PARP9: variants seen among roughly 807,000 people sequenced by gnomAD.
PARP9 encodes poly(ADP-ribose) polymerase family member 9.
PARP9 carries 48 observed loss-of-function variants against 68.8 expected under a neutral mutation model. The ratio of observed to expected loss-of-function variants is 0.70; its 90% CI spans 0.55 to 0.89. PARP9 has a LOEUF of 0.89. PARP9 is among the 40% of genes least tolerant of loss of function. The pLI is 0.00. For missense variants in PARP9, 806 were observed against 969.3 expected (o/e 0.83, Z 2.24); for synonymous variants, 309 against 333.8 (o/e 0.93, Z 0.81).
intron 4 of PARP9, 64 bp downstream of exon 4, chr3:122,555,222 C>A (rs1033069266): frequency 6.2e-6 from 9 of 1,456,388 alleles, no homozygotes; most frequent in Non-Finnish European, 8.4e-6. Flanking sequence ...AGTGTACACT[C>A]AAAAATTATT....
chr3:122,535,444 C>T (rs2077568616), intron 10 of PARP9: 4 of 985,306 alleles, frequency 4.1e-6, no homozygotes, highest in Non-Finnish European at 3.6e-6. Context: ...TCAAGAGCCA[C>T]ATATTTAATA....
intron 4 of PARP9, among the ~76,000 whole-genome samples, chr3:122,552,973 TG>T (rs1350519287): frequency 6.6e-6 from 1 of 152,204 alleles, no homozygotes; most frequent in Non-Finnish European, 1.5e-5. Context: ...TGTCGATAAA[TG>T]GTTTCATCTC....
upstream of PARP9, chr3:122,564,388 G>A (rs1465613426): frequency 3.8e-6 from 6 of 1,576,854 alleles, no homozygotes; most frequent in Non-Finnish European, 5.2e-6. Flanking sequence ...CCGCCCAGCT[G>A]CCTCCCGGAG....
In PARP9 at chr3:122,528,755, AAAAAT is replaced by A. The variant is rs746610736; in HGVS notation, c.2081-17_2081-13del. On this transcript the variant is annotated splice_polypyrimidine_tract_variant and intron_variant, in intron 10 of 10. Transcript: ENST00000682323. ...TCCGTATTTTGGATCTGATAAAGGAAAAAATAAAATAAAAAGATTATTATAATCTG... is the reference window on the plus strand; with the variant it reads ...TCCGTATTTTGGATCTGATAAAGGAAAAAATAAAAAGATTATTATAATCTG... 2 of 1,549,920 alleles carry A rather than the reference AAAAAT, an allele frequency of 1.3e-6. No individual in the cohort carries two copies. The highest frequency in any genetic ancestry group is 2.1e-5 in the Admixed American group (1 of 47,862).
At chr3:122,539,687 A>C (rs1341844936) in intron 8 of PARP9, among the ~76,000 whole-genome samples, 3 of 151,458 alleles carry the variant, frequency 2.0e-5, no homozygotes, top group Admixed American at 1.3e-4. Context: ...CAGCCTCCTG[A>C]GTAGCTGGGA....
At chr3:122,556,768 AG>A (rs1482253594) in intron 3 of PARP9, among the ~76,000 whole-genome samples, 1 of 105,584 alleles carries the variant, frequency 9.5e-6, no homozygotes, top group Non-Finnish European at 2.1e-5. Flanking sequence ...CTTGTGCCTC[AG>A]GGTTATACCA....
Position 122,558,484 on chromosome 3 carries a change from T to C in PARP9, c.16-17A>G. ...TCCGGCCACCTGTGAAAAATGAGAA[T>C]GGCTTTCTTAAAAAATGGAAGTGGA... On this transcript the variant is annotated splice_polypyrimidine_tract_variant and intron_variant, in intron 2 of 10. Transcript: ENST00000682323. The C allele has an allele frequency of 1.2e-6, 2 of 1,613,060 alleles. No individual in the cohort carries two copies. Among genetic ancestry groups the C allele is most frequent in the African/African-American group, 1.3e-5 (1 of 75,018 alleles).
At chr3:122,532,149 A>G in intron 10 of PARP9, 2 of 985,624 alleles carry the variant, frequency 2.0e-6, no homozygotes, top group Non-Finnish European at 2.4e-6. Context: ...TCTCTGGAGC[A>G]GGTGAGGACC....
upstream of PARP9, chr3:122,564,349 C>G (rs2080502698): frequency 6.8e-7 from 1 of 1,472,176 alleles, no homozygotes; most frequent in African/African-American, 1.4e-5. Context: ...AAACTTTGCG[C>G]CCAGTCCGCA....
rs78122384 is a variant in PARP9, at chr3:122,539,476, A to C, written c.1765+996T>G. On this transcript the variant is annotated intron_variant, in intron 8 of 10. Transcript: ENST00000682323. ...TATGCATTAGTTGAATGATATCTAT[A>C]TCTATCTCTATCTCTATCTCCCAAG... 2.8e-3 allele frequency among the ~76,000 whole-genome samples: 423 copies of C among 150,422 alleles called. 13 individuals are homozygous for C. The East Asian group carries it at 0.054, about 19-fold the overall frequency.
At position 122,540,467 on chromosome 3, in the gene PARP9, C is replaced by T. The variant is rs771550227; in HGVS notation, c.1765+5G>A. 1 of 1,609,058 alleles carries T rather than the reference C, an allele frequency of 6.2e-7. No homozygotes were observed. Among genetic ancestry groups the T allele is most frequent in the Admixed American group, 1.7e-5 (1 of 59,394 alleles). ...TACTTTCTAATTTGATAGAAAGTTACTCACCTAACGAGCGCCAAAGGCCTC... is the reference window on the plus strand; with the variant it reads ...TACTTTCTAATTTGATAGAAAGTTATTCACCTAACGAGCGCCAAAGGCCTC... On this transcript the variant is annotated splice_donor_5th_base_variant and intron_variant, in intron 8 of 10. Transcript: ENST00000682323.
chr3:122,535,948 T>A, intron 10 of PARP9: 1 of 1,423,110 alleles, frequency 7.0e-7, no homozygotes, highest in South Asian at 1.6e-5. Context: ...ACACTTTTCA[T>A]CAATGTAAAA....
intron 2 of PARP9, 65 bp downstream of exon 2, chr3:122,559,541 G>T (rs1171190496): frequency 1.3e-6 from 2 of 1,482,830 alleles, no homozygotes; most frequent in Non-Finnish European, 1.8e-6. Context: ...ATTTCTTGCT[G>T]TTATATAAAG....
At chr3:122,550,963 C>A (rs1452009667) in intron 5 of PARP9, among the ~76,000 whole-genome samples, 161 bp from the exon 6 acceptor site, 2 of 152,244 alleles carry the variant, frequency 1.3e-5, no homozygotes, top group African/African-American at 2.4e-5. Flanking sequence ...CCAGAGGGAA[C>A]CCATTATGGT....
intron 6 of PARP9, among the ~76,000 whole-genome samples, chr3:122,549,860 C>G (rs544912157): frequency 4.6e-5 from 7 of 151,744 alleles, no homozygotes; most frequent in Non-Finnish European, 1.0e-4. Flanking sequence ...GGTCAGAGAT[C>G]CAAGTGGAAA....
rs148936491 is a variant in PARP9, at chr3:122,545,242, C to A, written c.1384+190G>T. Among the ~76,000 whole-genome samples, 341 of 152,302 alleles carry A rather than the reference C, an allele frequency of 2.2e-3. 5 individuals are homozygous for A. The highest frequency in any genetic ancestry group is 0.021 in the Admixed American group (316 of 15,294). On this transcript the variant is annotated intron_variant, in intron 7 of 10. Coordinates refer to ENST00000682323, the MANE Select transcript of PARP9 (RefSeq NM_001146105.2). ...CAACTCAACCTTCCTCTGTTCATAT[C>A]ATGAAACTGGACCAAGCAAGAAAAG...
At chr3:122,554,105 A>G (rs1234076610) in intron 4 of PARP9, among the ~76,000 whole-genome samples, 1 of 152,206 alleles carries the variant, frequency 6.6e-6, no homozygotes, top group Admixed American at 6.5e-5. Flanking sequence ...GTGTATAAAC[A>G]CACAGACTAT....
chr3:122,536,023 AC>A (rs1175868728), intron 10 of PARP9, 144 bp downstream of exon 10: 7 of 1,537,628 alleles, frequency 4.6e-6, no homozygotes, highest in Non-Finnish European at 6.1e-6. Context: ...ATACTTTGTG[AC>A]CTGGGTCATC....
intron 10 of PARP9, among the ~76,000 whole-genome samples, chr3:122,530,768 T>C (rs1157852813): frequency 6.6e-6 from 1 of 152,136 alleles, no homozygotes; most frequent in African/African-American, 2.4e-5. Context: ...GAGTCACACA[T>C]GTCGTTTAAA....
Sources: allele counts gnomAD v4.1 joint callset (sites outside exome capture counted in the v4.1 genomes callset), GRCh38; gene constraint gnomAD v4.1.1; transcripts MANE v1.5; gene names NCBI Gene and HGNC (gene_info 2026-07-23, HGNC 2026-07-21).